TWSG1: variants seen among roughly 807,000 people sequenced by gnomAD.
TWSG1 encodes the protein twisted gastrulation BMP signaling modulator 1.
In TWSG1, 15 loss-of-function variants were observed where a neutral mutation model predicts 23.0. The observed-to-expected ratio is 0.65, with a 90% CI of 0.44 to 1.00. TWSG1 has a LOEUF of 1.00. TWSG1 is among the 50% of genes least tolerant of loss of function. The pLI is 0.00. For missense variants in TWSG1, 242 were observed against 278.7 expected, an observed-to-expected ratio of 0.87 and a Z score of 0.94; for synonymous variants, 86 against 92.8, an observed-to-expected ratio of 0.93 and a Z score of 0.42.
intron 2 of TWSG1, among the ~76,000 whole-genome samples, chr18:9,349,794 T>C (rs1200598371): frequency 6.6e-6 from 1 of 152,228 alleles, no homozygotes; most frequent in East Asian, 1.9e-4. Context: ...CTCGTGAACA[T>C]TATTTTCCTA....
intron 2 of TWSG1, among the ~76,000 whole-genome samples, chr18:9,342,455 A>T (rs996238092): frequency 5.3e-5 from 8 of 152,216 alleles, no homozygotes; most frequent in African/African-American, 9.6e-5. Flanking sequence ...CCATGTTTAT[A>T]TTGTAATGAT....
At chr18:9,390,337 A>G (rs925152406) in intron 3 of TWSG1, among the ~76,000 whole-genome samples, 23 of 152,020 alleles carry the variant, frequency 1.5e-4, no homozygotes, top group Admixed American at 1.2e-3. Context: ...AATTTTTTGT[A>G]TTTTTAGTAG....
chr18:9,397,757 G>A (rs1241247097), intron 4 of TWSG1, among the ~76,000 whole-genome samples: 1 of 152,146 alleles, frequency 6.6e-6, no homozygotes, highest in Non-Finnish European at 1.5e-5. Flanking sequence ...TGTAATCCCA[G>A]CACTTTGAGA....
intron 2 of TWSG1, among the ~76,000 whole-genome samples, chr18:9,350,924 T>TTTTA (rs914004048): frequency 1.6e-4 from 25 of 152,158 alleles, no homozygotes; most frequent in East Asian, 7.7e-4. Context: ...TAATTGAATA[T>TTTTA]TTTATTTATT....
At chr18:9,340,218 A>G (rs948569445) in intron 2 of TWSG1, among the ~76,000 whole-genome samples, 6 of 151,818 alleles carry the variant, frequency 4.0e-5, no homozygotes, top group Non-Finnish European at 7.4e-5. Flanking sequence ...AATACGAAAA[A>G]TTAGCCAGGC....
At chr18:9,339,951 A>G (rs537116422) in intron 2 of TWSG1, among the ~76,000 whole-genome samples, 1 of 152,218 alleles carries the variant, frequency 6.6e-6, no homozygotes, top group Non-Finnish European at 1.5e-5. Flanking sequence ...TTCAGTCACA[A>G]ATTCATGGAT....
chr18:9,340,195 C>T (rs1228058523), intron 2 of TWSG1, among the ~76,000 whole-genome samples: 4 of 151,650 alleles, frequency 2.6e-5, no homozygotes, highest in South Asian at 2.1e-4. Flanking sequence ...GGTGAAACCC[C>T]GTCTCTACTA....
intron 3 of TWSG1, among the ~76,000 whole-genome samples, chr18:9,393,904 T>C (rs1189462687): frequency 6.6e-6 from 1 of 152,174 alleles, no homozygotes. Context: ...ATCTCAAATA[T>C]AGAGAAATTT....
At chr18:9,382,814 A>AAAAAAC (rs71168052) in intron 3 of TWSG1, among the ~76,000 whole-genome samples, 95,227 of 136,698 alleles carry the variant, frequency 0.7, 33,659 homozygotes, top group Middle Eastern at 0.76. Context: ...CTCAAAAAAA[A>AAAAAAC]AAAAACAAAA....
chr18:9,376,832 C>CAAA (rs59781624), intron 3 of TWSG1, among the ~76,000 whole-genome samples: 3 of 100,802 alleles, frequency 3.0e-5, no homozygotes, highest in Non-Finnish European at 2.0e-5. Context: ...ACCCTGTCTC[C>CAAA]AAAAAAAAAA....
intron 2 of TWSG1, among the ~76,000 whole-genome samples, chr18:9,356,725 A>T (rs554373859): frequency 6.6e-6 from 1 of 152,270 alleles, no homozygotes; most frequent in East Asian, 1.9e-4. Context: ...ATGACATCAA[A>T]GGAAATGCTC....
intron 4 of TWSG1, among the ~76,000 whole-genome samples, chr18:9,398,004 C>CAAAAAAAAAAAAA (rs573745689): frequency 1.2e-5 from 1 of 84,738 alleles, no homozygotes; most frequent in African/African-American, 4.5e-5. Flanking sequence ...AACTCCATCT[C>CAAAAAAAAAAAAA]AAAAAAAAAA....
rs147477553 is a variant in TWSG1, at chr18:9,338,040, G to A, written c.123+688G>A. ...GTAATGTGGCTAAGTTAACAGGCTCGTATTGAACTCCTGATTAGCTTCCTT... is the reference window on the plus strand; with the variant it reads ...GTAATGTGGCTAAGTTAACAGGCTCATATTGAACTCCTGATTAGCTTCCTT... On this transcript the variant is annotated intron_variant, in intron 2 of 4. Transcript: ENST00000262120. Among the ~76,000 whole-genome samples the A allele has an allele frequency of 1.5e-3, 224 of 152,344 alleles. 1 individual carries two copies. The highest frequency in any genetic ancestry group is 5.0e-3 in the African/African-American group (206 of 41,590).
chr18:9,337,138 A>G, intron 1 of TWSG1, 55 bp from the exon 2 acceptor site: 1 of 1,424,612 alleles, frequency 7.0e-7, no homozygotes, highest in South Asian at 1.2e-5. Context: ...TCATTTTTAT[A>G]TTTGTTTTTA....
chr18:9,338,428 C>T (rs1365694871), intron 2 of TWSG1, among the ~76,000 whole-genome samples: 1 of 152,186 alleles, frequency 6.6e-6, no homozygotes, highest in Non-Finnish European at 1.5e-5. Flanking sequence ...TGAGTAGTTA[C>T]TGCAGTCACT....
chr18:9,383,602 A>G (rs2040669325), intron 3 of TWSG1, among the ~76,000 whole-genome samples: 1 of 152,172 alleles, frequency 6.6e-6, no homozygotes, highest in Non-Finnish European at 1.5e-5. Context: ...GTAAAAGATT[A>G]TGGTGGATTT....
At chr18:9,340,509 A>T (rs1331239343) in intron 2 of TWSG1, among the ~76,000 whole-genome samples, 1 of 152,182 alleles carries the variant, frequency 6.6e-6, no homozygotes, top group African/African-American at 2.4e-5. Flanking sequence ...TGGACTCCCA[A>T]ACTCTAGCAG....
rs377002400 is a variant in TWSG1 at position 9,396,347 on chromosome 18, T to C, written c.291T>C (p.His97=). The change falls in exon 4 of 5, where the codon CAT becomes CAC. Residue 97 remains histidine (H), a synonymous_variant. Transcript: ENST00000262120. The part of the protein sequence containing the change: ...PTSKSTVEEL[H]EPIPSLFRAL... Reference sequence around the variant, plus strand: ...CAAAGAGCACAGTGGAGGAGCTGCATGAACCGATCCCTTCTCTCTTCCGGG... The same window carrying C: ...CAAAGAGCACAGTGGAGGAGCTGCACGAACCGATCCCTTCTCTCTTCCGGG... The C allele has an allele frequency of 3.6e-5, 58 of 1,614,014 alleles. 1 individual carries two copies. Among genetic ancestry groups the C allele is most frequent in the Non-Finnish European group, 4.6e-5 (54 of 1,180,004 alleles).
chr18:9,353,097 G>A (rs2040509378), intron 2 of TWSG1, among the ~76,000 whole-genome samples: 1 of 152,122 alleles, frequency 6.6e-6, no homozygotes, highest in Admixed American at 6.6e-5. Flanking sequence ...GTAACATGCT[G>A]TACAGGTTTG....
Sources: gnomAD v4.1 joint callset for allele counts (sites outside exome capture counted in the v4.1 genomes callset) on GRCh38, gnomAD v4.1.1 for gene constraint, MANE v1.5 for transcripts, NCBI Gene and HGNC (gene_info 2026-07-23, HGNC 2026-07-21) for gene names.